NPLOC4: variants seen among roughly 807,000 people sequenced by gnomAD.
NPLOC4 encodes NPL4 homolog, ubiquitin recognition factor, also known as nuclear protein localization protein 4 homolog.
A neutral mutation model predicts 80.6 loss-of-function variants in NPLOC4; 18 were observed. The ratio of observed to expected loss-of-function variants is 0.22; its 90% CI spans 0.15 to 0.33. The LOEUF (loss-of-function observed/expected upper bound fraction) is 0.33. Among genes scored for constraint, NPLOC4 ranks in the 10% least tolerant of loss-of-function variants. NPLOC4 has a pLI of 1.00. For missense variants in NPLOC4, 540 were observed against 786.1 expected (o/e 0.69, Z 3.74); for synonymous variants, 313 against 301.5 (o/e 1.04, Z -0.39).
At chr17:81,611,190 A>T (rs1332698736) in intron 4 of NPLOC4, among the ~76,000 whole-genome samples, 1 of 151,758 alleles carries the variant, frequency 6.6e-6, no homozygotes, top group African/African-American at 2.4e-5. Flanking sequence ...CGTGGTGGCA[A>T]GCACCTGTAA....
chr17:81,591,052 A>G (rs1470733093), intron 11 of NPLOC4, among the ~76,000 whole-genome samples: 1 of 152,200 alleles, frequency 6.6e-6, no homozygotes, highest in Non-Finnish European at 1.5e-5. Context: ...AATGACACTG[A>G]AAGAATGCAG....
chr17:81,618,568 C>T (rs554552309), intron 3 of NPLOC4, among the ~76,000 whole-genome samples: 2 of 74,414 alleles, frequency 2.7e-5, no homozygotes, highest in East Asian at 1.8e-3. Context: ...CCAGCCGCCC[C>T]GTCCGGGAGG....
chr17:81,621,699 A>G (rs984021018), intron 3 of NPLOC4, among the ~76,000 whole-genome samples: 2 of 152,198 alleles, frequency 1.3e-5, no homozygotes, highest in Non-Finnish European at 2.9e-5. Flanking sequence ...ACACTTTACA[A>G]AAACAGGCAG....
intron 7 of NPLOC4, among the ~76,000 whole-genome samples, chr17:81,605,220 G>A (rs539110635): frequency 9.9e-5 from 15 of 151,108 alleles, no homozygotes; most frequent in South Asian, 6.3e-4. Context: ...GGTGGAGCTC[G>A]CAGTGAGCTG....
In NPLOC4 at chr17:81,630,488, C is replaced by G. The variant is rs533200585; in HGVS notation, c.16-683G>C. Among the ~76,000 whole-genome samples the G allele has an allele frequency of 4.2e-4, 64 of 152,158 alleles. No homozygotes were observed. The South Asian group carries it at 6.0e-3, about 14-fold the overall frequency. On this transcript the variant is annotated intron_variant, in intron 1 of 16. Coordinates refer to ENST00000331134, the MANE Select transcript of NPLOC4 (RefSeq NM_017921.4). ...TTGTAGTGACGGAGTGTCATATTTC[C>G]CAGGCTGATCTCGAGCTCCGGGGCT... is the stretch of plus-strand genomic sequence containing the variant.
intron 11 of NPLOC4, among the ~76,000 whole-genome samples, chr17:81,595,631 G>A (rs761265190): frequency 6.0e-5 from 9 of 150,748 alleles, no homozygotes; most frequent in Non-Finnish European, 1.0e-4. Context: ...TGCAACCTCC[G>A]CCTGATGGGT....
At chr17:81,622,895 T>A (rs552985158) in intron 2 of NPLOC4, among the ~76,000 whole-genome samples, 1 of 152,140 alleles carries the variant, frequency 6.6e-6, no homozygotes, top group South Asian at 2.1e-4. Flanking sequence ...TGAATTCAAT[T>A]GTAAAAACCC....
intron 2 of NPLOC4, among the ~76,000 whole-genome samples, chr17:81,623,391 G>A: frequency 6.8e-6 from 1 of 147,952 alleles, no homozygotes; most frequent in Non-Finnish European, 1.5e-5. Flanking sequence ...CTTGGGCCTG[G>A]GAGGTAGAGG....
intron 5 of NPLOC4, 57 bp downstream of exon 5, chr17:81,610,153 G>C: frequency 4.7e-6 from 7 of 1,490,448 alleles, no homozygotes; most frequent in Non-Finnish European, 6.4e-6. Flanking sequence ...ACTTAAGACA[G>C]CTGTCTACCC....
intron 2 of NPLOC4, among the ~76,000 whole-genome samples, chr17:81,624,325 A>G (rs1190311688): frequency 2.0e-5 from 3 of 152,086 alleles, no homozygotes; most frequent in Non-Finnish European, 2.9e-5. Context: ...GGCTGCGGCA[A>G]GAGAATTGCT....
At chr17:81,587,763 G>C (rs1598638578) in intron 12 of NPLOC4, among the ~76,000 whole-genome samples, 1 of 139,824 alleles carries the variant, frequency 7.2e-6, no homozygotes, top group Non-Finnish European at 1.5e-5. Flanking sequence ...CCGCCTCCCA[G>C]GTTCACGCCA....
rs544798958 is a variant in NPLOC4 at position 81,580,049 on chromosome 17, C to T, written c.1282-7961G>A. ...CTCCTTTCTTGCCTGCCTTCCAGGG[C>T]GCTATGCTCCTGCCCCTCCTCCCCA... On this transcript the variant is annotated intron_variant, in intron 12 of 16. Transcript: ENST00000331134. This position sits in a 1 kb window ranked among gnomAD's most constrained non-coding sequence, Gnocchi z 4.4. Among the ~76,000 whole-genome samples the T allele has an allele frequency of 1.9e-4, 29 of 152,232 alleles. No homozygotes were observed. Among genetic ancestry groups the T allele is most frequent in the South Asian group, 4.1e-4 (2 of 4,822 alleles).
At chr17:81,592,552 A>G (rs1209513934) in intron 11 of NPLOC4, among the ~76,000 whole-genome samples, 1 of 152,188 alleles carries the variant, frequency 6.6e-6, no homozygotes, top group Non-Finnish European at 1.5e-5. Flanking sequence ...AGGTGAAAAA[A>G]GCCCAAGGAT....
At chr17:81,571,477 G>A (rs1025148793) in intron 13 of NPLOC4, among the ~76,000 whole-genome samples, 5 of 152,316 alleles carry the variant, frequency 3.3e-5, no homozygotes, top group South Asian at 2.1e-4. Flanking sequence ...AGTAAACCAC[G>A]CTGAGCCCTC....
Position 81,597,323 on chromosome 17 carries a change from A to G in NPLOC4, c.922-7T>C. The G allele has an allele frequency of 6.2e-7, 1 of 1,611,558 alleles. No individual in the cohort carries two copies. Among genetic ancestry groups the G allele is most frequent in the South Asian group, 1.1e-5 (1 of 91,042 alleles). ...CTGTAAATATCCAGCCAACCTTAAAAAAAGGAAAGTAGCTTTTAAACATCT... is the reference window on the plus strand; with the variant it reads ...CTGTAAATATCCAGCCAACCTTAAAGAAAGGAAAGTAGCTTTTAAACATCT... On this transcript the variant is annotated splice_polypyrimidine_tract_variant and splice_region_variant and intron_variant, in intron 9 of 16. Transcript: ENST00000331134.
Position 81,604,736 on chromosome 17 carries a change from T to C in NPLOC4, c.655-9A>G. On this transcript the variant is annotated splice_polypyrimidine_tract_variant and intron_variant, in intron 7 of 16. Coordinates refer to ENST00000331134, the MANE Select transcript of NPLOC4 (RefSeq NM_017921.4). ...TCCACATGCCTGTACTTCTGTAGAG[T>C]TAACAAGAGTGGGCTGATGAAAACA... 6.2e-7 allele frequency: 1 copy of C among 1,606,972 alleles called. No individual in the cohort carries two copies.
At chr17:81,607,568 G>T (rs2144230021) in intron 6 of NPLOC4, among the ~76,000 whole-genome samples, 1 of 152,204 alleles carries the variant, frequency 6.6e-6, no homozygotes, top group Middle Eastern at 3.4e-3. Context: ...ATCATTTTTG[G>T]TGGTGAGCCA....
At chr17:81,600,456 C>T in intron 8 of NPLOC4, 29 bp from the exon 9 acceptor site, 1 of 1,577,432 alleles carries the variant, frequency 6.3e-7, no homozygotes. Context: ...AGAAGATGGA[C>T]TTAGAGCAGA....
At chr17:81,632,742 CCACTGATACAGGACAAAA>C (rs2035963752) in intron 1 of NPLOC4, among the ~76,000 whole-genome samples, 1 of 152,178 alleles carries the variant, frequency 6.6e-6, no homozygotes, top group Non-Finnish European at 1.5e-5. Flanking sequence ...AAAAAGATTT[CCACTGATACAGGACAAAA>C]CACCATAAAG....
Sources: allele counts gnomAD v4.1 joint callset (sites outside exome capture counted in the v4.1 genomes callset), GRCh38; gene constraint gnomAD v4.1.1; non-coding constraint Gnocchi (gnomAD v3.1); transcripts MANE v1.5; gene names NCBI Gene and HGNC (gene_info 2026-07-23, HGNC 2026-07-21).